RASAL2: variants seen among roughly 807,000 people sequenced by gnomAD.
RASAL2 encodes ras GTPase-activating protein nGAP.
RASAL2 carries 58 observed loss-of-function variants against 128.9 expected under a neutral mutation model. The observed-to-expected ratio is 0.45, with a 90% CI of 0.36 to 0.56. RASAL2 has a LOEUF of 0.56. RASAL2 is among the 20% of genes least tolerant of loss of function. The pLI is 0.00. For synonymous variants in RASAL2, 561 were observed against 580.8 expected (o/e 0.97, Z 0.49); for missense variants, 1,360 against 1,601.6 (o/e 0.85, Z 2.57).
chr1:178,252,987 A>G (rs1427527389), intron 1 of RASAL2, among the ~76,000 whole-genome samples: 1 of 152,212 alleles, frequency 6.6e-6, no homozygotes, highest in Non-Finnish European at 1.5e-5. Flanking sequence ...GCTGTAAGAA[A>G]TTACCACAAA....
chr1:178,427,124 C>T (rs1043644788), intron 5 of RASAL2, among the ~76,000 whole-genome samples: 2 of 152,072 alleles, frequency 1.3e-5, no homozygotes, highest in African/African-American at 2.4e-5. Context: ...GCCAGTAAAG[C>T]GATTTCCTAG....
intron 4 of RASAL2, among the ~76,000 whole-genome samples, chr1:178,395,789 A>ATATATT (rs1553226783): frequency 2.8e-5 from 4 of 144,320 alleles, no homozygotes; most frequent in Admixed American, 6.8e-5. Context: ...ATATATATAT[A>ATATATT]TATTTATTTA....
intron 3 of RASAL2, among the ~76,000 whole-genome samples, chr1:178,338,810 T>A (rs1316176601): frequency 6.6e-6 from 1 of 152,204 alleles, no homozygotes; most frequent in Non-Finnish European, 1.5e-5. Flanking sequence ...ACTCAGATTC[T>A]GAGTGATACA....
At chr1:178,112,315 G>T (rs1659352132) in intron 1 of RASAL2, among the ~76,000 whole-genome samples, 2 of 152,194 alleles carry the variant, frequency 1.3e-5, no homozygotes, top group Non-Finnish European at 1.5e-5. Context: ...ACTTTGGGAG[G>T]CCAAGGCGGG....
At chr1:178,173,836 C>T (rs1449376603) in intron 1 of RASAL2, among the ~76,000 whole-genome samples, 1 of 151,496 alleles carries the variant, frequency 6.6e-6, no homozygotes, top group African/African-American at 2.4e-5. Context: ...TATCCTTTCA[C>T]ATGACAAGAG....
intron 3 of RASAL2, among the ~76,000 whole-genome samples, chr1:178,385,899 ACTCACAC>A (rs1196251050): frequency 1.3e-5 from 2 of 152,030 alleles, no homozygotes; most frequent in Non-Finnish European, 2.9e-5. Flanking sequence ...TAAAGTATTG[ACTCACAC>A]CTCACCTTTG....
intron 5 of RASAL2, among the ~76,000 whole-genome samples, chr1:178,438,825 T>C (rs1003520395): frequency 6.6e-6 from 1 of 150,926 alleles, no homozygotes; most frequent in Non-Finnish European, 1.5e-5. Context: ...TATATTGAGA[T>C]GGAAATCAGG....
intron 3 of RASAL2, among the ~76,000 whole-genome samples, chr1:178,343,410 C>T (rs1003556493): frequency 6.6e-6 from 1 of 152,188 alleles, no homozygotes; most frequent in African/African-American, 2.4e-5. Context: ...GACATTAATG[C>T]TCTATCCAAC....
intron 3 of RASAL2, among the ~76,000 whole-genome samples, chr1:178,386,501 G>C (rs538153484): frequency 8.9e-4 from 136 of 152,232 alleles, no homozygotes; most frequent in Middle Eastern, 3.4e-3. Context: ...CTGTATTGGA[G>C]GTTATCTCTC....
intron 4 of RASAL2, chr1:178,412,018 A>C: frequency 2.0e-6 from 1 of 496,678 alleles, no homozygotes; most frequent in South Asian, 2.5e-5. Context: ...GTCTGTGAAC[A>C]AGACTCCTCA....
chr1:178,207,335 A>G (rs1663087766), intron 1 of RASAL2, among the ~76,000 whole-genome samples: 1 of 152,190 alleles, frequency 6.6e-6, no homozygotes. Flanking sequence ...TCAACCAACC[A>G]TGGATTGAAG....
intron 1 of RASAL2, among the ~76,000 whole-genome samples, chr1:178,268,198 A>C (rs1204897404): frequency 1.3e-5 from 2 of 152,066 alleles, no homozygotes; most frequent in South Asian, 2.1e-4. Context: ...AGCTGGGCGC[A>C]ATGGCTCCCA....
intron 1 of RASAL2, among the ~76,000 whole-genome samples, chr1:178,207,075 G>A (rs552487416): frequency 1.2e-4 from 18 of 151,512 alleles, no homozygotes; most frequent in African/African-American, 3.6e-4. Context: ...CAAGCTACTC[G>A]GGAGGCTGAG....
chr1:178,107,420 G>T (rs1202455908), intron 1 of RASAL2, among the ~76,000 whole-genome samples: 1 of 152,036 alleles, frequency 6.6e-6, no homozygotes, highest in Non-Finnish European at 1.5e-5. Context: ...TAAAAGTGAG[G>T]ATGCTAGATA....
intron 1 of RASAL2, among the ~76,000 whole-genome samples, chr1:178,195,268 C>T (rs1248072535): frequency 6.6e-6 from 1 of 152,132 alleles, no homozygotes; most frequent in African/African-American, 2.4e-5. Context: ...TCTAATTTGC[C>T]AGCAGTCAAT....
At chr1:178,264,135 ATTGT>A (rs968872457) in intron 1 of RASAL2, among the ~76,000 whole-genome samples, 1 of 152,124 alleles carries the variant, frequency 6.6e-6, no homozygotes, top group Admixed American at 6.5e-5. Flanking sequence ...TTCTTTTCTG[ATTGT>A]TTAAGTTAAA....
At chr1:178,180,636 A>G (rs1319180269) in intron 1 of RASAL2, among the ~76,000 whole-genome samples, 1 of 135,836 alleles carries the variant, frequency 7.4e-6, no homozygotes, top group Non-Finnish European at 1.6e-5. Flanking sequence ...CACTGCATTC[A>G]AGCCTGGGTG....
chr1:178,346,325 C>T (rs1047457613), intron 3 of RASAL2, among the ~76,000 whole-genome samples: 5 of 151,814 alleles, frequency 3.3e-5, no homozygotes, highest in African/African-American at 4.8e-5. Flanking sequence ...TTGCTTGAGC[C>T]CAGGAATCAA....
At chr1:178,128,413 T>C (rs1195688438) in intron 1 of RASAL2, among the ~76,000 whole-genome samples, 2 of 152,184 alleles carry the variant, frequency 1.3e-5, no homozygotes, top group Non-Finnish European at 2.9e-5. Flanking sequence ...TAGTTTGTTA[T>C]GAGGATTAAA....
Sources: allele counts gnomAD v4.1 joint callset (sites outside exome capture counted in the v4.1 genomes callset), GRCh38; gene constraint gnomAD v4.1.1; transcripts MANE v1.5; gene names NCBI Gene and HGNC (gene_info 2026-07-23, HGNC 2026-07-21).